Variants in ZNF236 observed in about 807,000 individuals in gnomAD.
The protein encoded by ZNF236 is regulated by glucose.
In ZNF236, 50 loss-of-function variants were observed where a neutral mutation model predicts 191.2. That is an observed-to-expected ratio of 0.26 (90% CI 0.21 to 0.33). The LOEUF is 0.33. Ranked by LOEUF, ZNF236 falls within the 10% of genes least tolerant of loss-of-function variation. The pLI, the probability that ZNF236 is intolerant of heterozygous loss-of-function variation, is 1.00. For missense variants in ZNF236, 1,754 were observed against 2,374.5 expected (o/e 0.74, Z 5.43); for synonymous variants, 907 against 928.8 (o/e 0.98, Z 0.43).
intron 3 of ZNF236, among the ~76,000 whole-genome samples, chr18:76,864,276 T>G (rs547429406): frequency 6.6e-6 from 1 of 151,442 alleles, no homozygotes; most frequent in Non-Finnish European, 1.5e-5. Context: ...GTCGGCTCAC[T>G]GCAACCTCCG....
chr18:76,946,137 G>A (rs554180958), intron 26 of ZNF236, among the ~76,000 whole-genome samples: 1 of 152,306 alleles, frequency 6.6e-6, no homozygotes, highest in African/African-American at 2.4e-5. Flanking sequence ...TGTGTTGTGG[G>A]AGAAACCTGG....
At chr18:76,943,056 G>A (rs1274506675) in intron 26 of ZNF236, among the ~76,000 whole-genome samples, 2 of 146,026 alleles carry the variant, frequency 1.4e-5, no homozygotes, top group African/African-American at 5.0e-5. Context: ...CCGGGAAGTG[G>A]AGGTTGTAGT....
At chr18:76,915,344 G>C (rs1218596034) in intron 18 of ZNF236, among the ~76,000 whole-genome samples, 1 of 152,164 alleles carries the variant, frequency 6.6e-6, no homozygotes, top group Admixed American at 6.5e-5. Flanking sequence ...GAGGGGACTT[G>C]ATTTGTTTTG....
At chr18:76,874,616 T>G (rs1181343581) in intron 5 of ZNF236, among the ~76,000 whole-genome samples, 1 of 151,866 alleles carries the variant, frequency 6.6e-6, no homozygotes, top group Admixed American at 6.6e-5. Context: ...GGGCTAGGGG[T>G]TCCCAGGGAG....
Position 76,871,009 on chromosome 18 carries a change from G to T in ZNF236, c.543-692G>T, listed in dbSNP as rs1453138509. On this transcript the variant is annotated intron_variant, in intron 4 of 30. Coordinates refer to ENST00000320610, the MANE Select transcript of ZNF236 (RefSeq NM_001306089.2). ...GGCTATGGAAGCAGTGCACTGGAGA[G>T]CCGAACCCGTTCTGAGGCCGCAATG... 3.3e-5 allele frequency among the ~76,000 whole-genome samples: 5 copies of T among 152,286 alleles called. No homozygotes were observed. In the South Asian group the frequency reaches 1.0e-3, roughly 32 times the overall value.
chr18:76,947,016 C>T (rs1568242627), intron 26 of ZNF236, among the ~76,000 whole-genome samples: 1 of 152,154 alleles, frequency 6.6e-6, no homozygotes, highest in Non-Finnish European at 1.5e-5. Flanking sequence ...GAGCCATGAG[C>T]CATCACTCCA....
chr18:76,902,602 C>T (rs953554187), intron 11 of ZNF236, among the ~76,000 whole-genome samples: 40 of 152,134 alleles, frequency 2.6e-4, no homozygotes, highest in African/African-American at 9.4e-4. Flanking sequence ...GACAGAGTCT[C>T]ACTCTGTCAC....
intron 3 of ZNF236, among the ~76,000 whole-genome samples, chr18:76,856,790 C>T (rs1045404601): frequency 5.9e-5 from 9 of 152,150 alleles, no homozygotes; most frequent in African/African-American, 2.2e-4. Flanking sequence ...TTATTTTTCT[C>T]TTCCTGGCAG....
At chr18:76,877,161 G>A (rs1976740053) in intron 6 of ZNF236, among the ~76,000 whole-genome samples, 2 of 152,146 alleles carry the variant, frequency 1.3e-5, no homozygotes, top group Admixed American at 6.6e-5. Context: ...GTTCACAGCT[G>A]TTCTTACTCA....
chr18:76,905,925 A>T (rs955299956), intron 13 of ZNF236, among the ~76,000 whole-genome samples: 36 of 152,204 alleles, frequency 2.4e-4, no homozygotes, highest in African/African-American at 8.4e-4. Flanking sequence ...CTCTATGTGG[A>T]TGTAATCCGG....
intron 9 of ZNF236, among the ~76,000 whole-genome samples, chr18:76,891,781 T>C (rs551287683): frequency 6.6e-6 from 1 of 152,122 alleles, no homozygotes. Context: ...GTTTTCCCAA[T>C]TGAAATGTAA....
At chr18:76,882,691 A>G (rs1976932556) in intron 9 of ZNF236, among the ~76,000 whole-genome samples, 1 of 152,176 alleles carries the variant, frequency 6.6e-6, no homozygotes, top group South Asian at 2.1e-4. Context: ...TTGTTTCTCA[A>G]ACCACACTAG....
chr18:76,959,340 A>G (rs373492369), intron 28 of ZNF236, among the ~76,000 whole-genome samples: 30 of 152,176 alleles, frequency 2.0e-4, no homozygotes, highest in East Asian at 1.5e-3. Context: ...CAACGGAGAG[A>G]GCTCACCTGG....
intron 30 of ZNF236, among the ~76,000 whole-genome samples, chr18:76,967,788 T>C (rs1968820861): frequency 6.6e-6 from 1 of 152,150 alleles, no homozygotes; most frequent in African/African-American, 2.4e-5. Context: ...TGAGGGGAGC[T>C]CGACGGCTTT....
intron 3 of ZNF236, among the ~76,000 whole-genome samples, chr18:76,859,998 G>T (rs1204236142): frequency 6.6e-6 from 1 of 152,162 alleles, no homozygotes; most frequent in African/African-American, 2.4e-5. Context: ...TGGGCTGGGC[G>T]GGGGTATGGT....
rs189253088 is a variant in ZNF236 at position 76,912,765 on chromosome 18, G to A, written c.2909+418G>A. Among the ~76,000 whole-genome samples, 172 of 152,272 alleles carry A rather than the reference G, an allele frequency of 1.1e-3. 2 individuals are homozygous for A. The highest frequency in any genetic ancestry group is 8.8e-4 in the Non-Finnish European group (60 of 68,010). On this transcript the variant is annotated intron_variant, in intron 17 of 30. Transcript: ENST00000320610. ...GAAAGACAGCTTTTTAGATGTGTCC[G>A]TCCACTGGCTCAGCAGTACATACTG...
At chr18:76,937,060 C>A in intron 25 of ZNF236, 96 bp from the exon 26 acceptor site, 2 of 1,161,112 alleles carry the variant, frequency 1.7e-6, no homozygotes, top group Non-Finnish European at 2.5e-6. Flanking sequence ...GGCATGAATG[C>A]TGCTTCCTGC....
chr18:76,945,624 T>G (rs779915929), intron 26 of ZNF236, among the ~76,000 whole-genome samples: 1 of 152,132 alleles, frequency 6.6e-6, no homozygotes, highest in Non-Finnish European at 1.5e-5. Flanking sequence ...CCATCTCTAC[T>G]GAGAATACAA....
At chr18:76,957,574 A>C (rs914740286) in intron 28 of ZNF236, among the ~76,000 whole-genome samples, 1 of 152,224 alleles carries the variant, frequency 6.6e-6, no homozygotes, top group South Asian at 2.1e-4. Context: ...TTTGTTATAC[A>C]GGTAAACTCA....
Sources: allele counts gnomAD v4.1 joint callset (sites outside exome capture counted in the v4.1 genomes callset), GRCh38; gene constraint gnomAD v4.1.1; transcripts MANE v1.5; gene names NCBI Gene and HGNC (gene_info 2026-07-23, HGNC 2026-07-21).